Variants in GRM4 observed in about 807,000 individuals in gnomAD.
The protein encoded by GRM4 is metabotropic glutamate receptor 4.
In GRM4, 28 loss-of-function variants were observed where a neutral mutation model predicts 81.7. The ratio of observed to expected loss-of-function variants is 0.34; its 90% confidence interval spans 0.25 to 0.47. The LOEUF (loss-of-function observed/expected upper bound fraction) is 0.47. Ranked by LOEUF, GRM4 falls within the 20% of genes least tolerant of loss-of-function variation. The pLI, the probability that GRM4 is intolerant of heterozygous loss-of-function variation, is 1.00. For missense variants in GRM4, 948 were observed against 1,290.0 expected, an observed-to-expected ratio of 0.73 and a Z score of 4.06; for synonymous variants, 488 against 528.8, an observed-to-expected ratio of 0.92 and a Z score of 1.06.
intron 2 of GRM4, chr6:34,110,801 A>G: frequency 7.1e-7 from 1 of 1,402,728 alleles, no homozygotes; most frequent in East Asian, 2.8e-5. Flanking sequence ...CCCAGGCTGC[A>G]GGCCATCTGT....
rs1765915817 is a variant in GRM4 at position 34,056,703 on chromosome 6, G to A, written c.1028-19C>T. On this transcript the variant is annotated intron_variant, in intron 5 of 10. Transcript: ENST00000538487. ...TCGAAGCCTGGCAGGGAACCAGGAC[G>A]TCAGGGCCTCACTGGCCTTCTTCCC... 1.9e-6 allele frequency: 3 copies of A among 1,608,752 alleles called. No homozygotes were observed. Among genetic ancestry groups the A allele is most frequent in the Non-Finnish European group, 2.5e-6 (3 of 1,176,916 alleles).
chr6:34,138,816 A>AT (rs2127515099), intron 1 of GRM4, among the ~76,000 whole-genome samples: 1 of 152,324 alleles, frequency 6.6e-6, no homozygotes, highest in South Asian at 2.1e-4. Context: ...AGGTGAATGA[A>AT]TGACGTGATG....
Position 34,052,946 on chromosome 6 carries a change from C to T in GRM4, c.1168+3598G>A, listed in dbSNP as rs114036114. ...CTTCAGGATGGCACATTCTTTCCTC[C>T]GGGATTTTACAGCAGACAGACAGAA... On this transcript the variant is annotated intron_variant, in intron 6 of 10. Coordinates refer to ENST00000538487, the MANE Select transcript of GRM4 (RefSeq NM_000841.4). 2.1e-3 allele frequency among the ~76,000 whole-genome samples: 320 copies of T among 152,338 alleles called. 2 individuals are homozygous for T. Among genetic ancestry groups the T allele is most frequent in the African/African-American group, 7.3e-3 (304 of 41,578 alleles).
In GRM4 at chr6:34,021,128, C is replaced by T. The variant is rs1033891433; in HGVS notation, c.*1693G>A. ...CCTCCCAACCTGCCAGGGAAGCCAG[C>T]TGAGGTGAACACTCGCCATGGGCCT... On this transcript the variant is annotated 3_prime_UTR_variant, in exon 11 of 11. Transcript: ENST00000538487. This position sits in a 1 kb window ranked among gnomAD's most constrained non-coding sequence, Gnocchi z 5.3. 6.6e-6 allele frequency: 1 copy of T among 152,310 alleles called. No homozygotes were observed. The highest frequency in any genetic ancestry group is 2.4e-5 in the African/African-American group (1 of 41,452). 9.4% of individuals were successfully genotyped at this position (152,310 alleles called of 1,614,324 possible). A position where few individuals can be genotyped will look rare whatever the true frequency, so the allele number is the denominator to read the frequency against.
chr6:34,155,454 C>T, exon 1 of GRM4: 1 of 1,096,328 alleles, frequency 9.1e-7, no homozygotes. Context: ...GCAACCTCGA[C>T]GCACATTGGA....
chr6:34,106,344 G>A (rs1424699991), intron 2 of GRM4, among the ~76,000 whole-genome samples: 1 of 151,668 alleles, frequency 6.6e-6, no homozygotes, highest in Non-Finnish European at 1.5e-5. Flanking sequence ...GAACCCAGGA[G>A]GCGGAGATTG....
chr6:34,063,764 A>C (rs1766300689), intron 3 of GRM4: 1 of 152,266 alleles, frequency 6.6e-6, no homozygotes, highest in South Asian at 2.1e-4. Context: ...GCCGGCTCTC[A>C]GTTCCCAGCT....
rs531137106 is a variant in GRM4 at position 34,152,057 on chromosome 6, A to G, written c.312+3022T>C. Among the ~76,000 whole-genome samples, 1 of 152,264 alleles carries G rather than the reference A, an allele frequency of 6.6e-6. No homozygotes were observed. The highest frequency in any genetic ancestry group is 2.4e-5 in the African/African-American group (1 of 41,554). On this transcript the variant is annotated intron_variant, in intron 1 of 8. Coordinates refer to the GRM4 transcript ENST00000374177. The surrounding 1 kb of genome is among the most constrained non-coding windows in gnomAD (Gnocchi z 4.1). ...AAGCAAGCTCCAGGCCCCTTGGCAC[A>G]GGGCAAAGACCACACAAGCTCGTTA...
chr6:34,126,552 G>A (rs374980512), intron 2 of GRM4, among the ~76,000 whole-genome samples: 1 of 152,186 alleles, frequency 6.6e-6, no homozygotes, highest in Non-Finnish European at 1.5e-5. Context: ...ACCTGGAGAA[G>A]GTGTTTTGAG....
intron 3 of GRM4, among the ~76,000 whole-genome samples, chr6:34,078,000 C>T (rs1767404121): frequency 6.6e-6 from 1 of 152,184 alleles, no homozygotes; most frequent in African/African-American, 2.4e-5. Flanking sequence ...AGAGCAGTCA[C>T]TGTCACTGAC....
chr6:34,146,206 G>A (rs990299566), upstream of GRM4: 4 of 916,984 alleles, frequency 4.4e-6, no homozygotes, highest in Non-Finnish European at 5.2e-6. Flanking sequence ...ACACCCCACT[G>A]CTCCTGATTC....
In GRM4 at chr6:34,059,237, G is replaced by T; in HGVS notation, c.873-109C>A. The T allele has an allele frequency of 4.4e-6, 4 of 916,770 alleles. No individual in the cohort carries two copies. The highest frequency in any genetic ancestry group is 1.6e-5 in the South Asian group (1 of 64,430). The allele number at this position is 916,770 out of a possible 1,614,324, so 56.8% of individuals were successfully genotyped here. ...CGTCCCTCACCCCCAGAAGCCCAGG[G>T]TCCACAACTGTCCCAGCACCGATGC... On this transcript the variant is annotated intron_variant, in intron 4 of 10. Coordinates refer to ENST00000538487, the MANE Select transcript of GRM4 (RefSeq NM_000841.4). This position sits in a 1 kb window ranked among gnomAD's most constrained non-coding sequence, Gnocchi z 5.7.
Position 34,133,321 on chromosome 6 carries a change from C to G in GRM4, c.176G>C (p.Gly59Ala). The G allele has an allele frequency of 6.2e-7, 1 of 1,614,062 alleles. No individual in the cohort carries two copies. Among genetic ancestry groups the G allele is most frequent in the Non-Finnish European group, 8.5e-7 (1 of 1,179,964 alleles). The change falls in exon 2 of 11, where the codon GGC becomes GCC. Residue 59 changes from glycine (G) to alanine (A), a missense_variant. Physicochemically the swap from Gly to Ala is moderately conservative, Grantham distance 60 (BLOSUM62 0). Transcript: ENST00000538487. This position sits in a 1 kb window ranked among gnomAD's most constrained non-coding sequence, Gnocchi z 6.5. Reference protein sequence around the residue: ...ITLGGLFPVHGRGSEGKPCGE... With the variant: ...ITLGGLFPVHARGSEGKPCGE... ...ACAGGGCTTGCCCTCTGAGCCCCGG[C>G]CATGCACCGGGAACAGGCCTCCCAG...
At chr6:34,140,302 G>A (rs1236002498) in intron 1 of GRM4, among the ~76,000 whole-genome samples, 3 of 148,842 alleles carry the variant, frequency 2.0e-5, no homozygotes, top group Non-Finnish European at 3.0e-5. Flanking sequence ...GGAGGCCAAC[G>A]TGACCAGGGG....
intron 6 of GRM4, 21 bp downstream of exon 6, chr6:34,056,523 C>A (rs370261416): frequency 6.4e-5 from 103 of 1,606,656 alleles, no homozygotes; most frequent in Non-Finnish European, 8.1e-5. Context: ...CCGCCCGGCC[C>A]TGCCCGGCCC....
intron 1 of GRM4, among the ~76,000 whole-genome samples, chr6:34,143,121 C>T (rs904974505): frequency 6.6e-6 from 1 of 152,122 alleles, no homozygotes; most frequent in East Asian, 1.9e-4. Context: ...GGGGGGATAA[C>T]TTTTGAGGTA....
chr6:34,032,426 G>C (rs78873172), intron 9 of GRM4, among the ~76,000 whole-genome samples: 1 of 152,302 alleles, frequency 6.6e-6, no homozygotes, highest in Non-Finnish European at 1.5e-5. Flanking sequence ...CTTGCAGCTC[G>C]GCATGACATG....
chr6:34,120,687 G>A (rs1344254654), intron 2 of GRM4, among the ~76,000 whole-genome samples: 1 of 152,112 alleles, frequency 6.6e-6, no homozygotes, highest in African/African-American at 2.4e-5. Flanking sequence ...CAGCCTCCCA[G>A]GAGCAGGATA....
intron 2 of GRM4, among the ~76,000 whole-genome samples, chr6:34,127,888 C>G (rs1344354976): frequency 2.0e-5 from 3 of 152,160 alleles, no homozygotes; most frequent in Non-Finnish European, 2.9e-5. Context: ...GCCACGTCCT[C>G]GACAGAACAT....
Sources: allele counts gnomAD v4.1 joint callset (sites outside exome capture counted in the v4.1 genomes callset), GRCh38; gene constraint gnomAD v4.1.1; non-coding constraint Gnocchi (gnomAD v3.1); transcripts MANE v1.5; gene names NCBI Gene and HGNC (gene_info 2026-07-23, HGNC 2026-07-21).